Variants in FBXW10B observed in about 807,000 individuals in gnomAD.
FBXW10B encodes F-box and WD repeat domain containing 10B.
the FBXW10B span, chr17:15,573,896 C>A: frequency 4.7e-6 from 2 of 424,446 alleles, no homozygotes; most frequent in African/African-American, 2.0e-5. Context: ...AGCTAAAATA[C>A]CATTTAATGA....
chr17:15,601,665 C>CCTT, the FBXW10B span, among the ~76,000 whole-genome samples: 1 of 152,096 alleles, frequency 6.6e-6, no homozygotes, highest in Non-Finnish European at 1.5e-5. Flanking sequence ...CTTTAAGGCT[C>CCTT]TAAGAAAGAA....
At chr17:15,581,120 T>C in the FBXW10B span, among the ~76,000 whole-genome samples, 1 of 152,130 alleles carries the variant, frequency 6.6e-6, no homozygotes, top group Non-Finnish European at 1.5e-5. Context: ...ACCCTTTCAG[T>C]TGAGGAAACC....
the FBXW10B span, among the ~76,000 whole-genome samples, chr17:15,585,802 A>G: frequency 1.3e-5 from 2 of 152,226 alleles, no homozygotes; most frequent in African/African-American, 4.8e-5. Context: ...AACTATGGCC[A>G]TGAGCTTTGC....
chr17:15,598,589 A>G, the FBXW10B span: 1 of 1,613,594 alleles, frequency 6.2e-7, no homozygotes, highest in Non-Finnish European at 8.5e-7. Context: ...AAGTCCATGC[A>G]AGTGATAGTC....
At chr17:15,616,248 C>G in the FBXW10B span, among the ~76,000 whole-genome samples, 2 of 151,956 alleles carry the variant, frequency 1.3e-5, no homozygotes, top group Admixed American at 1.3e-4. Context: ...GGTCTTGGCT[C>G]ACTGCAACCT....
At chr17:15,616,584 C>T in the FBXW10B span, among the ~76,000 whole-genome samples, 9 of 151,926 alleles carry the variant, frequency 5.9e-5, no homozygotes, top group African/African-American at 1.9e-4. Context: ...GCAGGCGGAT[C>T]ACAAGGTCAG....
chr17:15,569,987 T>C, the FBXW10B span, among the ~76,000 whole-genome samples: 5 of 152,234 alleles, frequency 3.3e-5, no homozygotes, highest in African/African-American at 1.2e-4. Context: ...GTATTAATGC[T>C]CTTGTCACAC....
At chr17:15,610,140 G>C in the FBXW10B span, among the ~76,000 whole-genome samples, 2 of 152,074 alleles carry the variant, frequency 1.3e-5, no homozygotes, top group Non-Finnish European at 2.9e-5. Flanking sequence ...GGGATTACAG[G>C]CATGAGCCAC....
the FBXW10B span, among the ~76,000 whole-genome samples, chr17:15,614,228 G>T: frequency 1.3e-5 from 2 of 151,664 alleles, no homozygotes; most frequent in African/African-American, 2.4e-5. Flanking sequence ...TCGCTCTGTC[G>T]CCCAGGTTGG....
At chr17:15,598,562 C>A in the FBXW10B span, 1 of 1,613,740 alleles carries the variant, frequency 6.2e-7, no homozygotes, top group South Asian at 1.1e-5. Flanking sequence ...CCTCCAGATA[C>A]GAGCCTGTTC....
chr17:15,566,705 C>A, the FBXW10B span, among the ~76,000 whole-genome samples: 1 of 151,734 alleles, frequency 6.6e-6, no homozygotes, highest in Non-Finnish European at 1.5e-5. Flanking sequence ...AGACTACAGG[C>A]GTCCGCCACC....
chr17:15,599,894 A>C, the FBXW10B span, among the ~76,000 whole-genome samples: 2 of 151,860 alleles, frequency 1.3e-5, no homozygotes, highest in Non-Finnish European at 2.9e-5. Context: ...CACTTACCTC[A>C]GTTTCTTCAT....
chr17:15,588,881 G>A, the FBXW10B span: 14 of 1,613,990 alleles, frequency 8.7e-6, no homozygotes, highest in African/African-American at 2.7e-5. Context: ...TTTGCCACTT[G>A]TTGTGCTGTT....
the FBXW10B span, among the ~76,000 whole-genome samples, chr17:15,580,796 A>G: frequency 6.6e-6 from 1 of 151,666 alleles, no homozygotes; most frequent in Admixed American, 6.6e-5. Flanking sequence ...GTACAGCTAC[A>G]CTTAGCATAG....
chr17:15,586,596 T>C, the FBXW10B span, among the ~76,000 whole-genome samples: 1 of 151,688 alleles, frequency 6.6e-6, no homozygotes. Flanking sequence ...AGTCCCCTTG[T>C]ATACCTCCAC....
At chr17:15,583,656 C>A in the FBXW10B span, among the ~76,000 whole-genome samples, 38 of 151,174 alleles carry the variant, frequency 2.5e-4, no homozygotes, top group Non-Finnish European at 5.0e-4. Context: ...AGGCCCTCAG[C>A]AGACCCAGGA....
the FBXW10B span, chr17:15,593,375 T>C: frequency 6.2e-7 from 1 of 1,614,204 alleles, no homozygotes. Flanking sequence ...CAGGATCGCC[T>C]CTGCCATTGG....
chr17:15,566,683 C>T, the FBXW10B span, among the ~76,000 whole-genome samples: 1 of 151,886 alleles, frequency 6.6e-6, no homozygotes, highest in South Asian at 2.1e-4. Flanking sequence ...GCCTCAGCCT[C>T]CCAAGTAGCT....
At chr17:15,585,259 G>A in the FBXW10B span, among the ~76,000 whole-genome samples, 3 of 151,996 alleles carry the variant, frequency 2.0e-5, no homozygotes, top group Admixed American at 6.6e-5. Flanking sequence ...GCCATGTTGG[G>A]AAAATAGATG....
Sources: allele counts gnomAD v4.1 joint callset (sites outside exome capture counted in the v4.1 genomes callset), GRCh38; gene constraint gnomAD v4.1.1; transcripts MANE v1.5; gene names NCBI Gene and HGNC (gene_info 2026-07-23, HGNC 2026-07-21).